ABCA1: variants seen among roughly 807,000 people sequenced by gnomAD.
ABCA1 encodes ATP binding cassette subfamily A member 1, also known as phospholipid-transporting ATPase ABCA1.
Under a neutral mutation model 262.5 loss-of-function variants are expected in ABCA1, and 133 were observed. That is an observed-to-expected ratio of 0.51 (90% CI 0.44 to 0.59). The LOEUF is 0.59. Among genes scored for constraint, ABCA1 ranks in the 20% least tolerant of loss-of-function variants. ABCA1 has a pLI of 0.00. For synonymous variants in ABCA1, 1,022 were observed against 1,043.5 expected (o/e 0.98, Z 0.40); for missense variants, 2,452 against 2,777.5 (o/e 0.88, Z 2.63).
At chr9:104,859,979 G>C (rs1836200027) in intron 6 of ABCA1, among the ~76,000 whole-genome samples, 1 of 151,412 alleles carries the variant, frequency 6.6e-6, no homozygotes, top group South Asian at 2.1e-4. Flanking sequence ...ACTTGAACCT[G>C]GGAGGCAGAG....
intron 19 of ABCA1, 78 bp from the exon 20 acceptor site, chr9:104,821,584 G>T: frequency 6.4e-7 from 1 of 1,563,046 alleles, no homozygotes; most frequent in Non-Finnish European, 8.8e-7. Flanking sequence ...AGTCTGCAGA[G>T]AGAACAGAAC....
At chr9:104,790,315 G>A (rs1745903388) in intron 44 of ABCA1, among the ~76,000 whole-genome samples, 1 of 152,014 alleles carries the variant, frequency 6.6e-6, no homozygotes, top group Non-Finnish European at 1.5e-5. Context: ...AATAAAAGAT[G>A]TATACAGGGA....
In ABCA1 at chr9:104,822,599, G is replaced by C; in HGVS notation, c.2725C>G (p.Arg909Gly). Residue 909 changes from arginine (R) to glycine (G), a missense_variant, in exon 19 of 50, where the codon CGA becomes GGA. Physicochemically the swap from Arg to Gly is moderately radical, Grantham distance 125. Coordinates refer to ENST00000374736, the MANE Select transcript of ABCA1 (RefSeq NM_005502.4). ...VSIQNLVKVY[R>G]DGMKVAVDGL... is the part of the protein sequence containing the mutation. ...TCGACAGCCACCTTCATCCCATCTC[G>C]GTAGACTTTTACCAGGTTCTGAATG... is the stretch of plus-strand genomic sequence containing the variant. 1.2e-6 allele frequency: 2 copies of C among 1,614,054 alleles called. No homozygotes were observed. The highest frequency in any genetic ancestry group is 1.7e-6 in the Non-Finnish European group (2 of 1,180,002).
At chr9:104,892,068 C>A (rs1352871683) in intron 2 of ABCA1, among the ~76,000 whole-genome samples, 2 of 135,962 alleles carry the variant, frequency 1.5e-5, no homozygotes, top group African/African-American at 5.5e-5. Flanking sequence ...TCTCATGGAA[C>A]AAAAAAACAC....
chr9:104,791,026 G>A lies in ABCA1; in HGVS notation c.5823C>T (p.Cys1941=). 3 of 1,612,218 alleles carry A rather than the reference G, an allele frequency of 1.9e-6. No homozygotes were observed. The highest frequency in any genetic ancestry group is 1.1e-5 in the South Asian group (1 of 91,054). Residue 1941 remains cysteine (C), a splice_region_variant and synonymous_variant, in exon 44 of 50, where the codon TGC becomes TGT. Transcript: ENST00000374736. ...RICVGIPPGE[C]FGLLGVNGAG... ...CCCCATTAACTCCCAGGAGCCCAAA[G>A]CACTGAAAAGGAAAGATTAAGTTGT...
Position 104,787,905 on chromosome 9 carries a change from C to T in ABCA1, c.6204+15G>A, listed in dbSNP as rs1418880552. The T allele has an allele frequency of 6.2e-7, 1 of 1,613,954 alleles. No individual in the cohort carries two copies. Among genetic ancestry groups the T allele is most frequent in the African/African-American group, 1.3e-5 (1 of 75,010 alleles). ...CAGGCCAGAACAACAGTTTTCCATC[C>T]ACAGTTATACTCACCAGAAACACCA... On this transcript the variant is annotated intron_variant, in intron 46 of 49. Coordinates refer to ENST00000374736, the MANE Select transcript of ABCA1 (RefSeq NM_005502.4).
intron 1 of ABCA1, among the ~76,000 whole-genome samples, chr9:104,913,097 G>T (rs1053212234): frequency 3.9e-5 from 6 of 152,190 alleles, no homozygotes; most frequent in African/African-American, 1.4e-4. Context: ...AGTGTCTTCA[G>T]ATGTTCAACC....
chr9:104,802,783 CAGA>C (rs1292859064), intron 33 of ABCA1, among the ~76,000 whole-genome samples: 3 of 152,328 alleles, frequency 2.0e-5, no homozygotes, highest in East Asian at 1.9e-4. Context: ...CTTCAAAACC[CAGA>C]AGGACAAATG....
intron 40 of ABCA1, 144 bp downstream of exon 40, chr9:104,794,243 G>T: frequency 8.0e-7 from 1 of 1,251,970 alleles, no homozygotes; most frequent in Non-Finnish European, 1.2e-6. Context: ...AGCTGTGTTG[G>T]CATGAGCCCT....
chr9:104,874,306 C>T (rs1021184291), intron 5 of ABCA1, among the ~76,000 whole-genome samples: 1 of 152,150 alleles, frequency 6.6e-6, no homozygotes, highest in Non-Finnish European at 1.5e-5. Context: ...GAGGCCAACG[C>T]ACCTGAAGTC....
chr9:104,846,853 C>T (rs1459811867), intron 7 of ABCA1, among the ~76,000 whole-genome samples: 1 of 152,168 alleles, frequency 6.6e-6, no homozygotes, highest in Non-Finnish European at 1.5e-5. Flanking sequence ...ATTGTTCCTT[C>T]CATAGAGAGT....
chr9:104,796,717 T>G (rs1829926905), intron 37 of ABCA1, among the ~76,000 whole-genome samples: 2 of 152,202 alleles, frequency 1.3e-5, no homozygotes, highest in Non-Finnish European at 2.9e-5. Context: ...AGAGTAATTT[T>G]AATTTCACAG....
rs1394871591 is a variant in ABCA1, at chr9:104,903,619, G to C, written c.61C>G (p.Gln21Glu). 1 of 1,587,022 alleles carries C rather than the reference G, an allele frequency of 6.3e-7. No homozygotes were observed. The highest frequency in any genetic ancestry group is 1.3e-5 in the African/African-American group (1 of 74,568). Residue 21 changes from glutamine to glutamate, a missense_variant, in exon 2 of 50, where the codon CAA becomes GAA. Coordinates refer to ENST00000374736, the MANE Select transcript of ABCA1 (RefSeq NM_005502.4). Reference protein sequence around the residue: ...LWKNLTFRRRQTCQLLLEVAW... With the variant: ...LWKNLTFRRRETCQLLLEVAW... ...GCTGAAAAACCCAAGCTTACTGTTTGTCTTCTTCTGAAAGTGAGGTTCTTC... is the reference window on the plus strand; with the variant it reads ...GCTGAAAAACCCAAGCTTACTGTTTCTCTTCTTCTGAAAGTGAGGTTCTTC...
intron 1 of ABCA1, among the ~76,000 whole-genome samples, chr9:104,907,941 T>G (rs148829528): frequency 3.3e-5 from 5 of 152,238 alleles, no homozygotes; most frequent in Non-Finnish European, 7.3e-5. Flanking sequence ...CAGAAGTGAC[T>G]GCTGGAAACC....
chr9:104,789,300 TG>T (rs1829205439), intron 44 of ABCA1, among the ~76,000 whole-genome samples: 1 of 152,192 alleles, frequency 6.6e-6, no homozygotes, highest in South Asian at 2.1e-4. Flanking sequence ...AACCTTACTA[TG>T]GGCTGGTTAT....
intron 31 of ABCA1, 110 bp from the exon 32 acceptor site, chr9:104,804,830 T>A: frequency 2.1e-6 from 2 of 935,504 alleles, no homozygotes; most frequent in Non-Finnish European, 3.5e-6. Flanking sequence ...GAAACCTGAC[T>A]ACAGGTCCCA....
chr9:104,803,240 CA>C, intron 33 of ABCA1, 43 bp downstream of exon 33: 1 of 1,606,530 alleles, frequency 6.2e-7, no homozygotes, highest in Non-Finnish European at 8.5e-7. Context: ...CCTACAACAC[CA>C]TCCTCCCCCT....
chr9:104,806,780 C>T (rs1175081849), intron 30 of ABCA1, among the ~76,000 whole-genome samples: 2 of 152,096 alleles, frequency 1.3e-5, no homozygotes, highest in African/African-American at 4.8e-5. Flanking sequence ...CCAGTATATT[C>T]GAGGGCCTAA....
In ABCA1 at chr9:104,785,497, A is replaced by C; in HGVS notation, c.6544T>G (p.Ser2182Ala). The stretch of plus-strand genomic sequence containing the variant: ...ATCCTGGCCAGAGAAGATAATGAAG[A>C]TGGAAGCTGGTATTGTAGCATGTTC... ...HRNMLQYQLP[S>A]SLSSLARIFS... The change falls in exon 49 of 50, where the codon TCT becomes GCT. Residue 2182 changes from serine to alanine, a missense_variant. This residue lies in a region of ABCA1 where 752 missense variants were observed against 944.5 expected (regional missense o/e 0.80). Transcript: ENST00000374736. 6.2e-7 allele frequency: 1 copy of C among 1,614,130 alleles called. No individual in the cohort carries two copies. Among genetic ancestry groups the C allele is most frequent in the Non-Finnish European group, 8.5e-7 (1 of 1,179,998 alleles).
Sources: allele counts gnomAD v4.1 joint callset (sites outside exome capture counted in the v4.1 genomes callset), GRCh38; gene constraint gnomAD v4.1.1; regional missense constraint gnomAD v4.1.1; transcripts MANE v1.5; gene names NCBI Gene and HGNC (gene_info 2026-07-23, HGNC 2026-07-21).